BST1: variants seen among roughly 807,000 people sequenced by gnomAD.
BST1 encodes the protein bone marrow stromal cell antigen 1, also known as ADP-ribosyl cyclase/cyclic ADP-ribose hydrolase 2.
BST1 carries 49 observed loss-of-function variants against 40.6 expected under a neutral mutation model. The ratio of observed to expected loss-of-function variants is 1.21; its 90% CI spans 0.96 to 1.53. The LOEUF is 1.53. BST1 is among the 40% of genes most tolerant of loss of function. The pLI is 0.00. For missense variants in BST1, 423 were observed against 395.9 expected (o/e 1.07, Z -0.58); for synonymous variants, 157 against 159.3 (o/e 0.99, Z 0.11).
chr4:15,724,871 G>A (rs1001387150), intron 8 of BST1, among the ~76,000 whole-genome samples: 4 of 152,112 alleles, frequency 2.6e-5, no homozygotes, highest in African/African-American at 9.7e-5. Flanking sequence ...CTGTGGCCAA[G>A]TGACATGTGC....
chr4:15,744,638 T>C, the BST1 span, among the ~76,000 whole-genome samples: 1 of 152,192 alleles, frequency 6.6e-6, no homozygotes. Flanking sequence ...CTTCCAAGAC[T>C]TTCTCCCTTT....
intron 3 of BST1, among the ~76,000 whole-genome samples, chr4:15,708,461 A>G (rs1197759249): frequency 6.6e-6 from 1 of 152,136 alleles, no homozygotes; most frequent in East Asian, 1.9e-4. Context: ...AGAGTGAGAC[A>G]CCAGCCTCCA....
At chr4:15,706,701 C>T (rs1475214280) in intron 2 of BST1, among the ~76,000 whole-genome samples, 1 of 152,134 alleles carries the variant, frequency 6.6e-6, no homozygotes, top group Non-Finnish European at 1.5e-5. Context: ...AGACTGAAAA[C>T]ATGATTTTTG....
rs565310379 is a variant in BST1 at position 15,732,202 on chromosome 4, C to T, written c.*357C>T. ...ATATTTTCCTATATCTCCAGCAGCACGGACACTGCATGCTTGTTGATTGCT... is the reference window on the plus strand; with the variant it reads ...ATATTTTCCTATATCTCCAGCAGCATGGACACTGCATGCTTGTTGATTGCT... On this transcript the variant is annotated 3_prime_UTR_variant, in exon 9 of 9. Coordinates refer to ENST00000265016, the MANE Select transcript of BST1 (RefSeq NM_004334.3). 66 of 870,560 alleles carry T rather than the reference C, an allele frequency of 7.6e-5. No homozygotes were observed. In the East Asian group the frequency reaches 1.9e-3, roughly 25 times the overall value. The allele number at this position is 870,560 out of a possible 1,614,324, so 53.9% of individuals were successfully genotyped here. A position where few individuals can be genotyped will look rare whatever the true frequency, so the allele number is the denominator to read the frequency against.
downstream of BST1, among the ~76,000 whole-genome samples, chr4:15,742,043 A>G (rs1721760330): frequency 6.6e-6 from 1 of 152,230 alleles, no homozygotes. Context: ...CTCTGCTGCC[A>G]AAGCTGTGAC....
chr4:15,708,237 C>T (rs530917995), intron 3 of BST1, among the ~76,000 whole-genome samples: 52 of 152,096 alleles, frequency 3.4e-4, no homozygotes, highest in African/African-American at 1.1e-3. Flanking sequence ...CACTCCAGGC[C>T]GCCGGCAGAT....
At chr4:15,723,232 G>A (rs1481300572) in intron 8 of BST1, among the ~76,000 whole-genome samples, 1 of 152,114 alleles carries the variant, frequency 6.6e-6, no homozygotes, top group East Asian at 1.9e-4. Flanking sequence ...CAATCTGTAG[G>A]ATGGTCACAC....
chr4:15,757,508 G>T, the BST1 span, among the ~76,000 whole-genome samples: 1 of 148,460 alleles, frequency 6.7e-6, no homozygotes, highest in African/African-American at 2.6e-5. Flanking sequence ...CCCCCACCCC[G>T]CCCCGCAGAC....
the BST1 span, among the ~76,000 whole-genome samples, chr4:15,762,762 G>C: frequency 8.5e-5 from 13 of 152,130 alleles, no homozygotes; most frequent in East Asian, 2.1e-3. Flanking sequence ...TATGAGTTTG[G>C]TTTTCTCAGA....
the BST1 span, among the ~76,000 whole-genome samples, chr4:15,754,191 G>A: frequency 6.6e-6 from 1 of 152,182 alleles, no homozygotes; most frequent in African/African-American, 2.4e-5. Context: ...AAGTGCAGAT[G>A]TGATAATCCC....
chr4:15,705,763 G>A, intron 2 of BST1, 122 bp downstream of exon 2: 1 of 1,323,910 alleles, frequency 7.6e-7, no homozygotes, highest in African/African-American at 1.5e-5. Flanking sequence ...ACATCAGGCA[G>A]CACACATAAT....
At chr4:15,742,786 A>G (rs1721776496), downstream of BST1, among the ~76,000 whole-genome samples, 1 of 152,238 alleles carries the variant, frequency 6.6e-6, no homozygotes, top group South Asian at 2.1e-4. Flanking sequence ...ACTGGGGTTG[A>G]AGCCTGCTGG....
At chr4:15,703,459 G>A (rs1719661680) in intron 1 of BST1, 127 bp downstream of exon 1, 3 of 1,408,118 alleles carry the variant, frequency 2.1e-6, no homozygotes, top group Admixed American at 3.0e-5. Flanking sequence ...GGGGAGAGGT[G>A]AGTGTGGAGA....
At chr4:15,713,531 AC>A (rs1357357253) in intron 4 of BST1, among the ~76,000 whole-genome samples, 3 of 151,722 alleles carry the variant, frequency 2.0e-5, no homozygotes, top group Admixed American at 6.6e-5. Flanking sequence ...GACTTTTAAC[AC>A]CCTTATTTTA....
At chr4:15,711,198 G>T (rs750115619) in intron 3 of BST1, among the ~76,000 whole-genome samples, 1 of 152,272 alleles carries the variant, frequency 6.6e-6, no homozygotes, top group South Asian at 2.1e-4. Flanking sequence ...TCAACTTGTA[G>T]ATTAGAAATT....
At chr4:15,724,781 CT>C (rs1721008269) in intron 8 of BST1, among the ~76,000 whole-genome samples, 1 of 152,178 alleles carries the variant, frequency 6.6e-6, no homozygotes, top group Non-Finnish European at 1.5e-5. Flanking sequence ...TTCTTATTCT[CT>C]TTTTCATTTA....
chr4:15,726,401 G>A (rs1721116485), intron 8 of BST1, among the ~76,000 whole-genome samples: 1 of 152,146 alleles, frequency 6.6e-6, no homozygotes, highest in African/African-American at 2.4e-5. Context: ...GATTTAAGAA[G>A]AACGATGTTC....
intron 8 of BST1, among the ~76,000 whole-genome samples, chr4:15,728,177 C>T (rs974175335): frequency 1.3e-5 from 2 of 151,884 alleles, no homozygotes; most frequent in African/African-American, 2.4e-5. Flanking sequence ...CCTAAATGCC[C>T]CAGGCCACAG....
chr4:15,763,265 A>T, the BST1 span, among the ~76,000 whole-genome samples: 1 of 151,880 alleles, frequency 6.6e-6, no homozygotes, highest in Non-Finnish European at 1.5e-5. Context: ...GTATGTATAC[A>T]GGAGGAAAAA....
Sources: gnomAD v4.1 joint callset for allele counts (sites outside exome capture counted in the v4.1 genomes callset) on GRCh38, gnomAD v4.1.1 for gene constraint, MANE v1.5 for transcripts, NCBI Gene and HGNC (gene_info 2026-07-23, HGNC 2026-07-21) for gene names.